Variants in TBC1D22A observed in about 807,000 individuals in gnomAD.
The protein encoded by TBC1D22A is TBC1 domain family member 22A, also known as putative GTPase activator.
A neutral mutation model predicts 60.2 loss-of-function variants in TBC1D22A; 38 were observed. That is an observed-to-expected ratio of 0.63 (90% CI 0.49 to 0.83). The LOEUF (loss-of-function observed/expected upper bound fraction) is 0.83, where lower values mean the gene tolerates loss of function less well. Ranked by LOEUF, TBC1D22A falls within the 40% of genes least tolerant of loss-of-function variation. TBC1D22A has a pLI of 0.00. For missense variants in TBC1D22A, 628 were observed against 701.0 expected, an observed-to-expected ratio of 0.90 and a Z score of 1.18; for synonymous variants, 302 against 281.7, an observed-to-expected ratio of 1.07 and a Z score of -0.72.
At chr22:47,006,889 G>A (rs2061610321) in intron 10 of TBC1D22A, among the ~76,000 whole-genome samples, 1 of 152,172 alleles carries the variant, frequency 6.6e-6, no homozygotes, top group African/African-American at 2.4e-5. Flanking sequence ...TCAGAGGTAG[G>A]AGGAAGTATT....
At chr22:47,123,853 T>C (rs144965167) in intron 12 of TBC1D22A, among the ~76,000 whole-genome samples, 1 of 152,334 alleles carries the variant, frequency 6.6e-6, no homozygotes, top group East Asian at 1.9e-4. Context: ...TCATGCGTGC[T>C]GTGAGATCAG....
intron 11 of TBC1D22A, among the ~76,000 whole-genome samples, chr22:47,038,980 G>A (rs367606569): frequency 1.3e-5 from 2 of 152,186 alleles, no homozygotes; most frequent in African/African-American, 2.4e-5. Flanking sequence ...AATGCTGTCC[G>A]TTTTTGTGAT....
rs562237856 is a variant in TBC1D22A, at chr22:46,777,244, G to A, written c.62+14396G>A. On this transcript the variant is annotated intron_variant, in intron 1 of 12. Transcript: ENST00000337137. This position sits in a 1 kb window ranked among gnomAD's most constrained non-coding sequence, Gnocchi z 4.5. ...TAAGTTAGTGGGACAGAGGGTTTTC[G>A]ATGCCAGGACATGGGCCAGTGAGAG... 8.4e-6 allele frequency among the ~76,000 whole-genome samples: 1 copy of A among 119,308 alleles called. No homozygotes were observed. Among genetic ancestry groups the A allele is most frequent in the East Asian group, 2.8e-4 (1 of 3,596 alleles). 78.3% of individuals were successfully genotyped at this position (119,308 alleles called of 152,430 possible). A position where few individuals can be genotyped will look rare whatever the true frequency, so the allele number is the denominator to read the frequency against.
intron 8 of TBC1D22A, chr22:46,915,326 G>A (rs1452184167): frequency 6.1e-5 from 27 of 445,362 alleles, no homozygotes; most frequent in Non-Finnish European, 8.6e-5. Context: ...AGTTTGCTGG[G>A]TCTTCAAGCC....
chr22:46,999,347 A>G (rs1263065440), intron 10 of TBC1D22A, among the ~76,000 whole-genome samples: 1 of 152,164 alleles, frequency 6.6e-6, no homozygotes, highest in Non-Finnish European at 1.5e-5. Flanking sequence ...TCATATGGCA[A>G]TTTTTTGTTT....
intron 12 of TBC1D22A, among the ~76,000 whole-genome samples, chr22:47,155,823 T>G (rs2067694250): frequency 6.6e-6 from 1 of 151,990 alleles, no homozygotes; most frequent in South Asian, 2.1e-4. Context: ...CGGAGCTACC[T>G]TCTTGTCTTC....
At chr22:47,162,893 C>T (rs1356696607) in intron 12 of TBC1D22A, among the ~76,000 whole-genome samples, 1 of 152,110 alleles carries the variant, frequency 6.6e-6, no homozygotes, top group Non-Finnish European at 1.5e-5. Context: ...GTAGGCCCTC[C>T]CCTCGAGCAG....
At position 47,033,337 on chromosome 22, in the gene TBC1D22A, T is replaced by C. The variant is rs1569362076; in HGVS notation, c.1202-3734T>C. Among the ~76,000 whole-genome samples the C allele has an allele frequency of 2.0e-5, 3 of 152,280 alleles. 1 individual carries two copies. The highest frequency in any genetic ancestry group is 2.0e-4 in the Admixed American group (3 of 15,304). Reference sequence around the variant, plus strand: ...TTGAAAAGAACGTCATGTTCTAGGGTGTGGCTGGAAAACTCCTCGCTATTG... The same window carrying C: ...TTGAAAAGAACGTCATGTTCTAGGGCGTGGCTGGAAAACTCCTCGCTATTG... On this transcript the variant is annotated intron_variant, in intron 10 of 12. Transcript: ENST00000337137.
At position 46,838,648 on chromosome 22, in the gene TBC1D22A, G is replaced by T. The variant is rs118168285; in HGVS notation, c.638-40005G>T. On this transcript the variant is annotated intron_variant, in intron 4 of 12. Coordinates refer to ENST00000337137, the MANE Select transcript of TBC1D22A (RefSeq NM_014346.5). ...GCCAGTATTCCTGATGAACATAGAT[G>T]CAAAAGCTCTCATCAAAATACTAGC... Among the ~76,000 whole-genome samples the T allele has an allele frequency of 1.0e-3, 158 of 152,286 alleles. 5 individuals are homozygous for T. In the East Asian group the frequency reaches 0.011, roughly 11 times the overall value.
At chr22:47,014,802 G>A (rs935471715) in intron 10 of TBC1D22A, among the ~76,000 whole-genome samples, 1 of 152,178 alleles carries the variant, frequency 6.6e-6, no homozygotes, top group Non-Finnish European at 1.5e-5. Context: ...GGGTGTGGTG[G>A]GGGGGACTGC....
chr22:46,849,271 C>T (rs1207453998), intron 4 of TBC1D22A, among the ~76,000 whole-genome samples: 1 of 152,186 alleles, frequency 6.6e-6, no homozygotes, highest in African/African-American at 2.4e-5. Flanking sequence ...GCAGATTGCT[C>T]TGTGGGTGAC....
chr22:47,062,432 C>G (rs2063612882), intron 11 of TBC1D22A, among the ~76,000 whole-genome samples: 1 of 152,190 alleles, frequency 6.6e-6, no homozygotes, highest in African/African-American at 2.4e-5. Context: ...GCTGTCTGGA[C>G]AAAGCCTTTG....
At chr22:47,019,916 CCCCTCTCCCTTAACCCTCCATCATG>C (rs777298900) in intron 10 of TBC1D22A, among the ~76,000 whole-genome samples, 9 of 122,952 alleles carry the variant, frequency 7.3e-5, no homozygotes, top group African/African-American at 1.2e-4. Context: ...TCTCCATCCT[CCCCTCTCCCTTAACCCTCCATCATG>C]CCCTCTCCCT....
intron 10 of TBC1D22A, among the ~76,000 whole-genome samples, chr22:47,014,101 G>A (rs949985000): frequency 3.3e-5 from 5 of 152,300 alleles, no homozygotes; most frequent in South Asian, 2.1e-4. Context: ...CTGTGTCCCC[G>A]CCATGCCCCT....
intron 12 of TBC1D22A, among the ~76,000 whole-genome samples, chr22:47,122,774 T>C (rs2066315413): frequency 6.6e-6 from 1 of 152,164 alleles, no homozygotes. Flanking sequence ...CGGCGAGGCA[T>C]CCCTCCTCAC....
intron 4 of TBC1D22A, among the ~76,000 whole-genome samples, chr22:46,816,853 A>C (rs2085623410): frequency 6.6e-6 from 1 of 152,086 alleles, no homozygotes; most frequent in East Asian, 1.9e-4. Flanking sequence ...AAAACTGAAA[A>C]CCTTATTCAT....
intron 3 of TBC1D22A, among the ~76,000 whole-genome samples, chr22:46,794,756 G>C (rs1379443348): frequency 1.3e-5 from 2 of 151,954 alleles, no homozygotes; most frequent in Admixed American, 6.6e-5. Context: ...TGGGGAGCAG[G>C]TGTCATCTGA....
chr22:47,109,523 C>T lies in TBC1D22A; in HGVS notation c.1330-1985C>T, dbSNP rs1324452241. 4.6e-5 allele frequency among the ~76,000 whole-genome samples: 7 copies of T among 152,284 alleles called. 1 individual carries two copies. Among genetic ancestry groups the T allele is most frequent in the African/African-American group, 1.7e-4 (7 of 41,552 alleles). ...TTCAGTCCTTGGTGTTTATTTCTGG[C>T]CCGAATCACTAGCCACTCTCTGGGC... On this transcript the variant is annotated intron_variant, in intron 11 of 12. Coordinates refer to ENST00000337137, the MANE Select transcript of TBC1D22A (RefSeq NM_014346.5).
At chr22:47,129,092 T>C (rs1050534538) in intron 12 of TBC1D22A, among the ~76,000 whole-genome samples, 2 of 152,214 alleles carry the variant, frequency 1.3e-5, no homozygotes, top group African/African-American at 2.4e-5. Flanking sequence ...TTGGCCCTTC[T>C]GGAGTTACTA....
Sources: allele counts gnomAD v4.1 joint callset (sites outside exome capture counted in the v4.1 genomes callset), GRCh38; gene constraint gnomAD v4.1.1; non-coding constraint Gnocchi (gnomAD v3.1); transcripts MANE v1.5; gene names NCBI Gene and HGNC (gene_info 2026-07-23, HGNC 2026-07-21).